Variants in DYNAP observed in about 807,000 individuals in gnomAD.
DYNAP encodes dynactin associated protein, also known as dynactin-associated protein.
DYNAP carries 7 observed loss-of-function variants against 8.5 expected under a neutral mutation model. The observed-to-expected ratio is 0.82, with a 90% CI of 0.47 to 1.54. The LOEUF (loss-of-function observed/expected upper bound fraction) is 1.54, where lower values mean the gene tolerates loss of function less well. DYNAP is among the 40% of genes most tolerant of loss of function. The probability of loss-of-function intolerance (pLI) is 0.01; values close to 1 mark genes in which losing one functional copy is unlikely to be tolerated. For missense variants in DYNAP, 256 were observed against 224.3 expected, an observed-to-expected ratio of 1.14 and a Z score of -0.90; for synonymous variants, 77 against 77.9, an observed-to-expected ratio of 0.99 and a Z score of 0.06.
chr18:54,594,690 G>A (rs1274205848), intron 1 of DYNAP, among the ~76,000 whole-genome samples: 1 of 151,978 alleles, frequency 6.6e-6, no homozygotes, highest in Admixed American at 6.6e-5. Context: ...AAGGATATTC[G>A]ATCCATTTAT....
At chr18:54,587,695 G>A (rs1198125958), upstream of DYNAP, 2 of 391,292 alleles carry the variant, frequency 5.1e-6, no homozygotes, top group Non-Finnish European at 9.0e-6. Flanking sequence ...CTGAAATTGT[G>A]TATCAGGGAT....
the DYNAP span, among the ~76,000 whole-genome samples, chr18:54,578,764 G>A: frequency 6.6e-6 from 1 of 151,954 alleles, no homozygotes; most frequent in African/African-American, 2.4e-5. Context: ...TAATGGTTCA[G>A]GAAAAGGCAA....
chr18:54,578,500 A>G, the DYNAP span, among the ~76,000 whole-genome samples: 7 of 152,230 alleles, frequency 4.6e-5, no homozygotes, highest in South Asian at 8.3e-4. Context: ...AAATATAAAG[A>G]GCAATCACTG....
the DYNAP span, among the ~76,000 whole-genome samples, chr18:54,580,675 G>A: frequency 9.2e-5 from 14 of 152,114 alleles, no homozygotes; most frequent in Admixed American, 5.9e-4. Flanking sequence ...ATAGCTACTC[G>A]TAAGATAAAT....
upstream of DYNAP, among the ~76,000 whole-genome samples, chr18:54,590,154 C>T (rs576789872): frequency 1.3e-5 from 2 of 152,236 alleles, no homozygotes; most frequent in African/African-American, 4.8e-5. Flanking sequence ...ATTCATTAAA[C>T]AATAACTCCC....
upstream of DYNAP, among the ~76,000 whole-genome samples, chr18:54,585,933 C>G (rs891866511): frequency 1.3e-5 from 2 of 152,088 alleles, no homozygotes; most frequent in African/African-American, 4.8e-5. Context: ...CACTGTACAC[C>G]GAGCCTGGCT....
At chr18:54,591,414 C>A in intron 1 of DYNAP, 75 bp downstream of exon 1, 1 of 1,473,358 alleles carries the variant, frequency 6.8e-7, no homozygotes, top group South Asian at 1.4e-5. Context: ...GCAGTTTAAT[C>A]TCTTTATTAC....
chr18:54,596,996 A>T (rs1306404380), intron 2 of DYNAP, among the ~76,000 whole-genome samples: 1 of 151,972 alleles, frequency 6.6e-6, no homozygotes. Flanking sequence ...TTTCAGACCT[A>T]CTGTATTCTG....
upstream of DYNAP, among the ~76,000 whole-genome samples, chr18:54,583,795 A>G (rs544189583): frequency 1.4e-4 from 22 of 152,334 alleles, no homozygotes; most frequent in Non-Finnish European, 2.4e-4. Flanking sequence ...AGCAGTTTGG[A>G]AATCAGTTTG....
chr18:54,578,727 G>A, the DYNAP span, among the ~76,000 whole-genome samples: 1 of 152,074 alleles, frequency 6.6e-6, no homozygotes, highest in Non-Finnish European at 1.5e-5. Context: ...TGCTTACACA[G>A]TCTTCACAAA....
chr18:54,581,828 C>G, the DYNAP span, among the ~76,000 whole-genome samples: 4,319 of 152,158 alleles, frequency 0.028, 103 homozygotes, highest in Admixed American at 0.076. Context: ...ATCTATTAAG[C>G]TAATAAGAAT....
chr18:54,596,306 C>G (rs1199319699), intron 2 of DYNAP, among the ~76,000 whole-genome samples: 1 of 152,040 alleles, frequency 6.6e-6, no homozygotes, highest in Non-Finnish European at 1.5e-5. Flanking sequence ...CTCCTGGGCT[C>G]AAGGGATCCA....
At chr18:54,584,976 T>C (rs988110263), upstream of DYNAP, among the ~76,000 whole-genome samples, 1 of 152,076 alleles carries the variant, frequency 6.6e-6, no homozygotes, top group Non-Finnish European at 1.5e-5. Flanking sequence ...ATGGATGCTA[T>C]TTAGGGGTTT....
the DYNAP span, among the ~76,000 whole-genome samples, chr18:54,577,602 CAA>C: frequency 4.5e-4 from 30 of 66,270 alleles, no homozygotes; most frequent in African/African-American, 8.3e-4. Context: ...AATCTTGTTT[CAA>C]AAAAAAAAAA....
At chr18:54,579,646 G>A in the DYNAP span, among the ~76,000 whole-genome samples, 6 of 152,178 alleles carry the variant, frequency 3.9e-5, no homozygotes, top group Non-Finnish European at 8.8e-5. Context: ...TGCTCAATAA[G>A]TATATTTGTT....
At chr18:54,590,276 G>C (rs746274648), upstream of DYNAP, among the ~76,000 whole-genome samples, 9 of 152,010 alleles carry the variant, frequency 5.9e-5, no homozygotes, top group Non-Finnish European at 1.0e-4. Context: ...TGTCTTTTTT[G>C]TGATGACTTA....
At chr18:54,593,188 T>C (rs1338204973) in intron 1 of DYNAP, among the ~76,000 whole-genome samples, 2 of 152,176 alleles carry the variant, frequency 1.3e-5, no homozygotes, top group South Asian at 2.1e-4. Context: ...ATCTTAACTA[T>C]ATTTAATGAC....
chr18:54,579,984 T>C, the DYNAP span, among the ~76,000 whole-genome samples: 1 of 152,266 alleles, frequency 6.6e-6, no homozygotes, highest in Non-Finnish European at 1.5e-5. Flanking sequence ...TTTTGACCAA[T>C]GAAATAAAGT....
chr18:54,587,317 G>A (rs375681163), upstream of DYNAP, among the ~76,000 whole-genome samples: 51 of 152,182 alleles, frequency 3.4e-4, no homozygotes, highest in African/African-American at 9.6e-4. Flanking sequence ...CTTGGGATGC[G>A]GAGGTGGGAG....
Sources: gnomAD v4.1 joint callset for allele counts (sites outside exome capture counted in the v4.1 genomes callset) on GRCh38, gnomAD v4.1.1 for gene constraint, MANE v1.5 for transcripts, NCBI Gene and HGNC (gene_info 2026-07-23, HGNC 2026-07-21) for gene names.